Variants in ADGRL3 observed in about 807,000 individuals in gnomAD.
The protein encoded by ADGRL3 is adhesion G protein-coupled receptor L3.
Under a neutral mutation model 153.5 loss-of-function variants are expected in ADGRL3, and 62 were observed. That is an observed-to-expected ratio of 0.40 (90% confidence interval 0.33 to 0.50). The LOEUF (loss-of-function observed/expected upper bound fraction) is 0.50, where lower values mean the gene tolerates loss of function less well. Among genes scored for constraint, ADGRL3 ranks in the 20% least tolerant of loss-of-function variants. ADGRL3 has a pLI of 0.47. For synonymous variants in ADGRL3, 710 were observed against 672.5 expected (o/e 1.06, Z -0.86); for missense variants, 1,641 against 1,859.4 (o/e 0.88, Z 2.16).
chr4:61,714,729 A>T (rs568341942), intron 6 of ADGRL3, among the ~76,000 whole-genome samples: 1 of 152,090 alleles, frequency 6.6e-6, no homozygotes, highest in Non-Finnish European at 1.5e-5. Flanking sequence ...TTTCTCAGGG[A>T]TCTTGACAGA....
At chr4:61,844,092 G>A (rs2098076909) in intron 9 of ADGRL3, among the ~76,000 whole-genome samples, 1 of 150,150 alleles carries the variant, frequency 6.7e-6, no homozygotes, top group Admixed American at 6.7e-5. Flanking sequence ...GCTCAAAAAT[G>A]CATAAAAATT....
At chr4:61,974,029 G>A (rs1321281726) in intron 17 of ADGRL3, among the ~76,000 whole-genome samples, 2 of 152,114 alleles carry the variant, frequency 1.3e-5, no homozygotes, top group Middle Eastern at 3.4e-3. Context: ...GTGCAGTGGC[G>A]TGGTCTCGGC....
intron 1 of ADGRL3, among the ~76,000 whole-genome samples, chr4:61,347,044 C>G (rs1195428010): frequency 6.6e-6 from 1 of 152,020 alleles, no homozygotes; most frequent in Non-Finnish European, 1.5e-5. Flanking sequence ...TGTGCTCTCA[C>G]TATTAGAGCT....
intron 9 of ADGRL3, among the ~76,000 whole-genome samples, chr4:61,836,956 C>T (rs2097945859): frequency 6.6e-6 from 1 of 152,050 alleles, no homozygotes; most frequent in Non-Finnish European, 1.5e-5. Context: ...TAAGAAAGGT[C>T]ACCACTGACT....
rs2096551970 is a variant in ADGRL3 at position 61,739,045 on chromosome 4, TG to T, written c.1399+5492del. On this transcript the variant is annotated intron_variant, in intron 8 of 26. Coordinates refer to ENST00000683033, the MANE Select transcript of ADGRL3 (RefSeq NM_001387552.1). ...TTAAATGTAAAATTGCCAGCATTTT[TG>T]TCATTTCTCAGCATGAAATTGGTGG... is the stretch of plus-strand genomic sequence containing the variant. 3.3e-5 allele frequency among the ~76,000 whole-genome samples: 5 copies of T among 152,192 alleles called. No homozygotes were observed. The South Asian group carries it at 1.0e-3, about 31-fold the overall frequency.
intron 1 of ADGRL3, among the ~76,000 whole-genome samples, chr4:61,334,272 C>G (rs2095632904): frequency 6.6e-6 from 1 of 152,220 alleles, no homozygotes; most frequent in East Asian, 1.9e-4. Flanking sequence ...TTTTTCTCCT[C>G]TATCCAAGGG....
At chr4:61,225,792 C>G (rs1443784505) in intron 1 of ADGRL3, among the ~76,000 whole-genome samples, 2 of 152,160 alleles carry the variant, frequency 1.3e-5, no homozygotes, top group African/African-American at 4.8e-5. Context: ...CCCCAGTGAA[C>G]AGTCAAAATG....
intron 3 of ADGRL3, among the ~76,000 whole-genome samples, chr4:61,514,117 G>A (rs2098478543): frequency 6.6e-6 from 1 of 152,206 alleles, no homozygotes; most frequent in Non-Finnish European, 1.5e-5. Flanking sequence ...GGAGTAATTT[G>A]AGTTGGTTTT....
chr4:62,068,045 A>G, intron 25 of ADGRL3, 121 bp from the exon 26 acceptor site: 1 of 552,782 alleles, frequency 1.8e-6, no homozygotes, highest in East Asian at 3.0e-5. Flanking sequence ...GGCAGTGGAA[A>G]TTATTTCCTT....
At chr4:61,319,982 A>G (rs751834459) in intron 1 of ADGRL3, among the ~76,000 whole-genome samples, 6 of 152,172 alleles carry the variant, frequency 3.9e-5, no homozygotes, top group African/African-American at 1.4e-4. Context: ...GAAGGTGATC[A>G]TGGTTAAATG....
intron 5 of ADGRL3, among the ~76,000 whole-genome samples, chr4:61,614,196 G>A (rs1243691521): frequency 6.6e-6 from 1 of 152,082 alleles, no homozygotes; most frequent in Non-Finnish European, 1.5e-5. Flanking sequence ...AAAATTCAAA[G>A]GCTACCAGCA....
chr4:61,505,881 A>G (rs745987551), intron 3 of ADGRL3, among the ~76,000 whole-genome samples: 2 of 152,088 alleles, frequency 1.3e-5, no homozygotes, highest in Non-Finnish European at 2.9e-5. Flanking sequence ...TTATATGGCA[A>G]GGATAATTAA....
intron 9 of ADGRL3, among the ~76,000 whole-genome samples, chr4:61,883,819 A>G (rs1177355487): frequency 6.6e-6 from 1 of 152,084 alleles, no homozygotes; most frequent in Admixed American, 6.6e-5. Flanking sequence ...CGTCCATAAG[A>G]TACAGTTTAT....
intron 13 of ADGRL3, among the ~76,000 whole-genome samples, chr4:61,916,727 C>A (rs1176497001): frequency 6.6e-6 from 1 of 152,048 alleles, no homozygotes; most frequent in African/African-American, 2.4e-5. Flanking sequence ...CCAAGGTGGG[C>A]AGATCACTTG....
chr4:61,475,162 T>C (rs111974046), intron 2 of ADGRL3, among the ~76,000 whole-genome samples: 168 of 152,330 alleles, frequency 1.1e-3, no homozygotes, highest in African/African-American at 3.9e-3. Flanking sequence ...TCCTTGCTTA[T>C]CATTGACTTG....
In ADGRL3 at chr4:61,767,055, T is replaced by C. The variant is rs1307694610; in HGVS notation, c.1399+33501T>C. ...TGTGGGATGGGATATTGGCGTTGAG[T>C]GGGGTAAGGGTGATTAGGTTTTAAT... On this transcript the variant is annotated intron_variant, in intron 8 of 26. Coordinates refer to ENST00000683033, the MANE Select transcript of ADGRL3 (RefSeq NM_001387552.1). 4.6e-5 allele frequency among the ~76,000 whole-genome samples: 7 copies of C among 151,638 alleles called. No individual in the cohort carries two copies. The South Asian group carries it at 1.0e-3, about 23-fold the overall frequency.
At chr4:61,663,497 C>T (rs2094679140) in intron 5 of ADGRL3, among the ~76,000 whole-genome samples, 1 of 152,214 alleles carries the variant, frequency 6.6e-6, no homozygotes, top group South Asian at 2.1e-4. Flanking sequence ...CGGATGGACC[C>T]TTTGCTCACT....
At chr4:61,239,314 G>A (rs985709135) in intron 1 of ADGRL3, among the ~76,000 whole-genome samples, 8 of 152,112 alleles carry the variant, frequency 5.3e-5, no homozygotes, top group Non-Finnish European at 1.2e-4. Flanking sequence ...TAAATATGTG[G>A]TTGACTGCTT....
intron 1 of ADGRL3, among the ~76,000 whole-genome samples, chr4:61,289,689 T>C (rs1200712337): frequency 6.6e-6 from 1 of 152,044 alleles, no homozygotes; most frequent in Non-Finnish European, 1.5e-5. Flanking sequence ...AAGGATTTTC[T>C]ACATGATTAC....
Sources: allele counts gnomAD v4.1 joint callset (sites outside exome capture counted in the v4.1 genomes callset), GRCh38; gene constraint gnomAD v4.1.1; transcripts MANE v1.5; gene names NCBI Gene and HGNC (gene_info 2026-07-23, HGNC 2026-07-21).